PIK3CB: variants seen among roughly 807,000 people sequenced by gnomAD.
PIK3CB encodes phosphatidylinositol-4,5-bisphosphate 3-kinase catalytic subunit beta.
Under a neutral mutation model 136.8 loss-of-function variants are expected in PIK3CB, and 39 were observed. The ratio of observed to expected loss-of-function variants is 0.29; its 90% CI spans 0.22 to 0.37. The LOEUF is 0.37. Among genes scored for constraint, PIK3CB ranks in the 10% least tolerant of loss-of-function variants. The probability of loss-of-function intolerance (pLI) is 1.00; values close to 1 mark genes in which losing one functional copy is unlikely to be tolerated. For synonymous variants in PIK3CB, 428 were observed against 436.6 expected (o/e 0.98, Z 0.25); for missense variants, 868 against 1,275.4 (o/e 0.68, Z 4.87).
intron 2 of PIK3CB, among the ~76,000 whole-genome samples, chr3:138,764,036 G>T (rs180796178): frequency 0.018 from 2,658 of 151,676 alleles, 34 homozygotes; most frequent in Middle Eastern, 0.034. Flanking sequence ...GCTTGAACTC[G>T]GGAGGCGGAG....
At chr3:138,738,659 T>G (rs746434603) in intron 5 of PIK3CB, among the ~76,000 whole-genome samples, 3 of 152,174 alleles carry the variant, frequency 2.0e-5, no homozygotes, top group Non-Finnish European at 1.5e-5. Context: ...GGAATCGATA[T>G]AGCATTACCA....
At chr3:138,798,202 T>C (rs553236666) in intron 1 of PIK3CB, among the ~76,000 whole-genome samples, 1 of 152,302 alleles carries the variant, frequency 6.6e-6, no homozygotes, top group East Asian at 1.9e-4. Flanking sequence ...TCTTACTCTG[T>C]TGCCCAGGCT....
intron 21 of PIK3CB, among the ~76,000 whole-genome samples, chr3:138,658,322 C>T (rs972497541): frequency 6.6e-6 from 1 of 152,002 alleles, no homozygotes; most frequent in African/African-American, 2.4e-5. Context: ...TAGTGGCACA[C>T]ACCTGTGGTC....
Position 138,664,029 on chromosome 3 carries a change from C to T in PIK3CB, c.2673G>A (p.Gly891=). The part of the protein sequence containing the change: ...LLNWLKEYNS[G]DDLDRAIEEF... ...CCTCAATGGCTCGGTCCAGGTCATC[C>T]CTGAACAAGAGAAAAGAACAGAAGC... Residue 891 remains glycine (G), a splice_region_variant and synonymous_variant, in exon 21 of 24, where the codon GGG becomes GGA. Transcript: ENST00000674063. 1 of 1,612,982 alleles carries T rather than the reference C, an allele frequency of 6.2e-7. No homozygotes were observed. Among genetic ancestry groups the T allele is most frequent in the Non-Finnish European group, 8.5e-7 (1 of 1,179,706 alleles).
intron 1 of PIK3CB, among the ~76,000 whole-genome samples, chr3:138,823,728 T>A (rs1032517148): frequency 6.6e-6 from 1 of 151,070 alleles, no homozygotes; most frequent in Non-Finnish European, 1.5e-5. Context: ...AAAATTTTTT[T>A]AAAATAAAAA....
At position 138,741,057 on chromosome 3, in the gene PIK3CB, C is replaced by A. The variant is rs376124283; in HGVS notation, c.621+1501G>T. ...ATTTGACCTTGACATTTTAATGATACTCAAATCTTGACTTAAATTGAACTT... is the reference window on the plus strand; with the variant it reads ...ATTTGACCTTGACATTTTAATGATAATCAAATCTTGACTTAAATTGAACTT... On this transcript the variant is annotated intron_variant, in intron 5 of 23. Transcript: ENST00000674063. Among the ~76,000 whole-genome samples, 23 of 152,338 alleles carry A rather than the reference C, an allele frequency of 1.5e-4. No individual in the cohort carries two copies. In the East Asian group the frequency reaches 3.9e-3, roughly 26 times the overall value.
chr3:138,653,613 C>T lies in PIK3CB; in HGVS notation c.*1776G>A, dbSNP rs1294809797. The stretch of plus-strand genomic sequence containing the variant: ...AACCTGTCCTTCCATAGTTCTATTC[C>T]TGGAAGTCTCAGTGAGTCTACACCA... On this transcript the variant is annotated 3_prime_UTR_variant, in exon 24 of 24. Transcript: ENST00000674063. 1 of 184,676 alleles carries T rather than the reference C, an allele frequency of 5.4e-6. No individual in the cohort carries two copies. The highest frequency in any genetic ancestry group is 8.7e-5 in the East Asian group (1 of 11,446). 11.4% of individuals were successfully genotyped at this position (184,676 alleles called of 1,614,324 possible).
chr3:138,712,901 G>A (rs1260908541), intron 9 of PIK3CB, among the ~76,000 whole-genome samples: 4 of 151,922 alleles, frequency 2.6e-5, no homozygotes, highest in African/African-American at 7.3e-5. Flanking sequence ...AAGAAAACAC[G>A]TATAATATCA....
intron 2 of PIK3CB, among the ~76,000 whole-genome samples, chr3:138,775,876 C>T (rs981758528): frequency 2.7e-5 from 4 of 149,554 alleles, no homozygotes; most frequent in African/African-American, 1.0e-4. Flanking sequence ...GTTTCAAAAC[C>T]CTCAAATATA....
chr3:138,695,325 T>C (rs1352348744), intron 13 of PIK3CB, among the ~76,000 whole-genome samples: 1 of 152,206 alleles, frequency 6.6e-6, no homozygotes, highest in African/African-American at 2.4e-5. Flanking sequence ...TGTAAAACTA[T>C]GGCAAATAGA....
Position 138,654,069 on chromosome 3 carries a change from TAAG to T in PIK3CB, c.*1317_*1319del, listed in dbSNP as rs1432239138. ...CACTCATTTATTTGACTGAGAACAT[TAAG>T]AAGGACAACAAAATTAAACATTCTT... On this transcript the variant is annotated 3_prime_UTR_variant, in exon 24 of 24. Coordinates refer to ENST00000674063, the MANE Select transcript of PIK3CB (RefSeq NM_006219.3). The T allele has an allele frequency of 1.5e-5, 3 of 194,766 alleles. No individual in the cohort carries two copies. The highest frequency in any genetic ancestry group is 3.2e-5 in the Non-Finnish European group (3 of 93,650). The allele number at this position is 194,766 out of a possible 1,614,324, so 12.1% of individuals were successfully genotyped here.
chr3:138,695,071 T>C (rs2044106870), intron 13 of PIK3CB, among the ~76,000 whole-genome samples, 164 bp from the exon 14 acceptor site: 1 of 152,214 alleles, frequency 6.6e-6, no homozygotes, highest in Admixed American at 6.5e-5. Context: ...ATAAAGATTG[T>C]CTTTGTTGTT....
chr3:138,785,149 G>C (rs1286273550), intron 2 of PIK3CB, among the ~76,000 whole-genome samples: 1 of 151,476 alleles, frequency 6.6e-6, no homozygotes, highest in Non-Finnish European at 1.5e-5. Context: ...GGAGATGGGG[G>C]GCAGCCCCCG....
chr3:138,778,134 C>T, intron 2 of PIK3CB: 2 of 418,394 alleles, frequency 4.8e-6, no homozygotes, highest in Middle Eastern at 8.0e-4. Context: ...TCTTCACTAC[C>T]TTGTAGAAGG....
At chr3:138,667,504 C>G (rs969093240) in intron 19 of PIK3CB, among the ~76,000 whole-genome samples, 8 of 151,918 alleles carry the variant, frequency 5.3e-5, no homozygotes, top group Non-Finnish European at 1.0e-4. Flanking sequence ...TAAACAGTTT[C>G]TAAAAGTCCT....
intron 2 of PIK3CB, among the ~76,000 whole-genome samples, chr3:138,780,265 G>GT (rs1453662960): frequency 6.6e-6 from 1 of 151,288 alleles, no homozygotes; most frequent in Non-Finnish European, 1.5e-5. Context: ...ACTAACTTTT[G>GT]TTTTTTTGTT....
intron 4 of PIK3CB, among the ~76,000 whole-genome samples, chr3:138,753,777 G>C (rs113999651): frequency 0.02 from 3,073 of 152,172 alleles, 51 homozygotes; most frequent in Middle Eastern, 0.058. Context: ...CTGCACTCCA[G>C]CCTAGGTGAC....
chr3:138,688,842 A>T, intron 16 of PIK3CB, 33 bp downstream of exon 16: 1 of 1,409,314 alleles, frequency 7.1e-7, no homozygotes, highest in Non-Finnish European at 1.0e-6. Context: ...CTGTCAAAAA[A>T]AGAAAAAATG....
intron 1 of PIK3CB, among the ~76,000 whole-genome samples, chr3:138,828,739 A>T (rs903540072): frequency 6.6e-6 from 1 of 152,030 alleles, no homozygotes; most frequent in Non-Finnish European, 1.5e-5. Flanking sequence ...ACTGGACTCC[A>T]GCTTAGGCAG....
Sources: allele counts gnomAD v4.1 joint callset (sites outside exome capture counted in the v4.1 genomes callset), GRCh38; gene constraint gnomAD v4.1.1; transcripts MANE v1.5; gene names NCBI Gene and HGNC (gene_info 2026-07-23, HGNC 2026-07-21).